The following SLC5A1 variants were observed in gnomAD, a reference collection of about 807,000 sequenced individuals.
The protein encoded by SLC5A1 is solute carrier family 5 member 1, also known as sodium/glucose cotransporter 1.
SLC5A1 carries 42 observed loss-of-function variants against 73.5 expected under a neutral mutation model. The observed-to-expected ratio is 0.57, with a 90% CI of 0.45 to 0.74. The LOEUF is 0.74. Ranked by LOEUF, SLC5A1 falls within the 30% of genes least tolerant of loss-of-function variation. The pLI is 0.00. For missense variants in SLC5A1, 634 were observed against 855.4 expected (o/e 0.74, Z 3.23); for synonymous variants, 300 against 317.4 (o/e 0.95, Z 0.58).
At position 32,066,925 on chromosome 22, in the gene SLC5A1, G is replaced by A; in HGVS notation, c.208-10G>A. The A allele has an allele frequency of 6.2e-7, 1 of 1,606,614 alleles. No homozygotes were observed. The highest frequency in any genetic ancestry group is 1.1e-5 in the South Asian group (1 of 90,910). ...CAGAGCCCTCACCTGACTTTCTTTT[G>A]CGTTTCCAGATTGGAGCCTCCCTCT... On this transcript the variant is annotated splice_polypyrimidine_tract_variant and intron_variant, in intron 2 of 14. Transcript: ENST00000266088.
intron 3 of SLC5A1, among the ~76,000 whole-genome samples, chr22:32,067,456 C>CA (rs1479170352): frequency 6.6e-6 from 1 of 151,858 alleles, no homozygotes; most frequent in Non-Finnish European, 1.5e-5. Flanking sequence ...ACTGCAGCCT[C>CA]AAACTCCTGG....
At chr22:32,044,345 T>G (rs899149470) in intron 1 of SLC5A1, among the ~76,000 whole-genome samples, 1 of 152,064 alleles carries the variant, frequency 6.6e-6, no homozygotes, top group Non-Finnish European at 1.5e-5. Context: ...ATATAAAATG[T>G]TTGCAGATGT....
At chr22:32,069,352 T>C (rs1213926579) in intron 5 of SLC5A1, among the ~76,000 whole-genome samples, 1 of 152,134 alleles carries the variant, frequency 6.6e-6, no homozygotes, top group Non-Finnish European at 1.5e-5. Flanking sequence ...AGATCTATTG[T>C]ACAACATGGT....
chr22:32,083,666 A>ATT (rs757611170), intron 7 of SLC5A1, among the ~76,000 whole-genome samples: 2 of 143,836 alleles, frequency 1.4e-5, no homozygotes, highest in Admixed American at 7.0e-5. Flanking sequence ...CCTCCAATTA[A>ATT]TTTTTTTTTT....
At chr22:32,099,103 A>T (rs796086676) in intron 11 of SLC5A1, 80 bp from the exon 12 acceptor site, 2,401 of 79,310 alleles carry the variant, frequency 0.03, 13 homozygotes, top group East Asian at 0.075. Context: ...AAAAAAAAAA[A>T]AAATATATAT....
At chr22:32,051,031 A>T (rs1342442518) in intron 2 of SLC5A1, among the ~76,000 whole-genome samples, 1 of 152,208 alleles carries the variant, frequency 6.6e-6, no homozygotes, top group Admixed American at 6.5e-5. Context: ...TCGAAGGGGA[A>T]TTCCCCACTC....
At chr22:32,077,418 T>A (rs1262642453) in intron 5 of SLC5A1, among the ~76,000 whole-genome samples, 1 of 150,910 alleles carries the variant, frequency 6.6e-6, no homozygotes, top group African/African-American at 2.4e-5. Flanking sequence ...TTTCCCTCCC[T>A]CCATCCTTCC....
chr22:32,072,354 G>C (rs188133612), intron 5 of SLC5A1, among the ~76,000 whole-genome samples: 9 of 152,226 alleles, frequency 5.9e-5, no homozygotes, highest in Admixed American at 1.3e-4. Flanking sequence ...TTAGGATAAT[G>C]GCTTCCAGCT....
intron 5 of SLC5A1, among the ~76,000 whole-genome samples, chr22:32,070,982 G>A (rs1458260583): frequency 3.9e-5 from 6 of 152,166 alleles, no homozygotes; most frequent in African/African-American, 1.2e-4. Flanking sequence ...GAAGGAGCTG[G>A]CTCCTAGTCT....
At chr22:32,104,029 CCTTTA>C (rs910160203) in intron 13 of SLC5A1, among the ~76,000 whole-genome samples, 14 of 152,174 alleles carry the variant, frequency 9.2e-5, no homozygotes, top group African/African-American at 3.4e-4. Context: ...TTTTGTTAAT[CCTTTA>C]CTTTACTCAT....
At chr22:32,077,101 A>C (rs2093992177) in intron 5 of SLC5A1, among the ~76,000 whole-genome samples, 1 of 152,212 alleles carries the variant, frequency 6.6e-6, no homozygotes, top group Admixed American at 6.5e-5. Context: ...GAAAGTTTGC[A>C]AATTCTTGAT....
In SLC5A1 at chr22:32,084,996, A is replaced by G. The variant is rs111735032; in HGVS notation, c.982A>G (p.Met328Val). The G allele has an allele frequency of 1.2e-6, 2 of 1,614,178 alleles. No individual in the cohort carries two copies. Among genetic ancestry groups the G allele is most frequent in the Non-Finnish European group, 8.5e-7 (1 of 1,180,020 alleles). Residue 328 changes from methionine (M) to valine (V), a missense_variant, in exon 9 of 15, where the codon ATG (methionine) becomes GTG (valine). Physicochemically the swap from Met to Val is conservative, Grantham distance 21. This residue lies in a region of SLC5A1 where 422 missense variants were observed against 626.1 expected (regional missense o/e 0.67). Transcript: ENST00000266088. ...TCTAAAGCTGATGCCCATGTTCATC[A>G]TGGTGATGCCAGGAATGATCAGCCG... ...GYLKLMPMFI[M>V]VMPGMISRIL...
Position 32,091,872 on chromosome 22 carries a change from A to G in SLC5A1, c.1280+110A>G, listed in dbSNP as rs1603135565. Reference sequence around the variant, plus strand: ...GCAGATGCCTGGGTAGAATGGGAATAATTTCTGTGGCTGGTTATATGTGCC... The same window carrying G: ...GCAGATGCCTGGGTAGAATGGGAATGATTTCTGTGGCTGGTTATATGTGCC... On this transcript the variant is annotated intron_variant, in intron 11 of 14. Transcript: ENST00000266088. 3 of 1,040,364 alleles carry G rather than the reference A, an allele frequency of 2.9e-6. No homozygotes were observed. In the East Asian group the frequency reaches 7.3e-5, roughly 25 times the overall value. 64.4% of individuals were successfully genotyped at this position (1,040,364 alleles called of 1,614,324 possible). A position where few individuals can be genotyped will look rare whatever the true frequency, so the allele number is the denominator to read the frequency against.
intron 5 of SLC5A1, among the ~76,000 whole-genome samples, chr22:32,078,954 C>CAAAAAAAA (rs6147589): frequency 2.5e-4 from 27 of 109,094 alleles, no homozygotes; most frequent in African/African-American, 7.5e-4. Context: ...ACTCTGTCTC[C>CAAAAAAAA]AAAAAAAAAA....
chr22:32,109,085 G>C (rs764745029), intron 14 of SLC5A1, among the ~76,000 whole-genome samples: 16 of 152,056 alleles, frequency 1.1e-4, no homozygotes, highest in Non-Finnish European at 2.4e-4. Context: ...AGGTGGGGGG[G>C]ATCATTTGAG....
At chr22:32,055,682 A>G (rs908898866) in intron 2 of SLC5A1, among the ~76,000 whole-genome samples, 5 of 152,212 alleles carry the variant, frequency 3.3e-5, no homozygotes, top group African/African-American at 1.2e-4. Context: ...ACCTTTGGCT[A>G]TAAGACCTTG....
intron 12 of SLC5A1, among the ~76,000 whole-genome samples, chr22:32,100,679 T>C (rs979488109): frequency 6.6e-6 from 1 of 152,174 alleles, no homozygotes; most frequent in African/African-American, 2.4e-5. Context: ...GCCTCCAAAG[T>C]AGCGAGGACT....
At chr22:32,054,525 G>T (rs1174818231) in intron 2 of SLC5A1, among the ~76,000 whole-genome samples, 1 of 152,182 alleles carries the variant, frequency 6.6e-6, no homozygotes, top group Admixed American at 6.5e-5. Flanking sequence ...AGATTTGAAT[G>T]ATCAGAAGGA....
At chr22:32,049,160 A>AT (rs2093941508) in intron 1 of SLC5A1, among the ~76,000 whole-genome samples, 1 of 128,138 alleles carries the variant, frequency 7.8e-6, no homozygotes, top group South Asian at 2.4e-4. Flanking sequence ...TATATTATAT[A>AT]TAATCTATAT....
Sources: gnomAD v4.1 joint callset for allele counts (sites outside exome capture counted in the v4.1 genomes callset) on GRCh38, gnomAD v4.1.1 for gene constraint, gnomAD v4.1.1 regional missense constraint, MANE v1.5 for transcripts, NCBI Gene and HGNC (gene_info 2026-07-23, HGNC 2026-07-21) for gene names.